Variants in TTLL5 observed in about 807,000 individuals in gnomAD.
TTLL5 encodes tubulin polyglutamylase TTLL5.
A neutral mutation model predicts 168.4 loss-of-function variants in TTLL5; 132 were observed. The ratio of observed to expected loss-of-function variants is 0.78; its 90% CI spans 0.68 to 0.91. The LOEUF (loss-of-function observed/expected upper bound fraction) is 0.91, where lower values mean the gene tolerates loss of function less well. TTLL5 is among the 40% of genes least tolerant of loss of function. The probability of loss-of-function intolerance (pLI) is 0.00; values close to 1 mark genes in which losing one functional copy is unlikely to be tolerated. For synonymous variants in TTLL5, 546 were observed against 558.6 expected (o/e 0.98, Z 0.32); for missense variants, 1,545 against 1,581.5 (o/e 0.98, Z 0.39).
intron 31 of TTLL5, among the ~76,000 whole-genome samples, chr14:75,912,795 T>C (rs2033443909): frequency 6.6e-6 from 1 of 152,192 alleles, no homozygotes; most frequent in Non-Finnish European, 1.5e-5. Context: ...TAGTCAATAG[T>C]AGCTTCTCAG....
chr14:75,882,561 A>G (rs1365471282), intron 29 of TTLL5, 124 bp from the exon 30 acceptor site: 1 of 699,288 alleles, frequency 1.4e-6, no homozygotes, highest in African/African-American at 1.8e-5. Context: ...GTTTTTCCTT[A>G]AAAAAAAAAT....
At chr14:75,759,903 A>G (rs1306839330) in intron 18 of TTLL5, among the ~76,000 whole-genome samples, 1 of 152,132 alleles carries the variant, frequency 6.6e-6, no homozygotes, top group African/African-American at 2.4e-5. Context: ...ACCTCTTGCT[A>G]TCATCATATT....
At position 75,820,063 on chromosome 14, in the gene TTLL5, C is replaced by T; in HGVS notation, c.3228C>T (p.Pro1076=). The T allele has an allele frequency of 1.2e-6, 2 of 1,608,208 alleles. No individual in the cohort carries two copies. Among genetic ancestry groups the T allele is most frequent in the Non-Finnish European group, 1.7e-6 (2 of 1,177,610 alleles). Residue 1076 remains proline (P), a synonymous_variant, in exon 28 of 32, where the codon CCC becomes CCT. Transcript: ENST00000298832. ...TAAACAGAAGCAGTGCTTCAGCTCC[C>T]CCAACCCTCCGACCCATCATCAGTC... ...GIINRSSASA[P]PTLRPIISPS... is the part of the protein sequence containing the mutation.
At chr14:75,820,425 T>G (rs1350867837) in intron 28 of TTLL5, among the ~76,000 whole-genome samples, 2 of 152,196 alleles carry the variant, frequency 1.3e-5, no homozygotes, top group African/African-American at 4.8e-5. Flanking sequence ...ACACTATGTT[T>G]AAACCTTGCT....
chr14:75,891,501 A>AC (rs2032400418), intron 30 of TTLL5, among the ~76,000 whole-genome samples: 1 of 152,212 alleles, frequency 6.6e-6, no homozygotes, highest in Non-Finnish European at 1.5e-5. Flanking sequence ...ACACCAGTGG[A>AC]CAAGACAGAT....
At chr14:75,828,996 C>G (rs1895402698) in intron 28 of TTLL5, among the ~76,000 whole-genome samples, 1 of 152,084 alleles carries the variant, frequency 6.6e-6, no homozygotes, top group Admixed American at 6.6e-5. Context: ...CAGACAAATC[C>G]CTGTCCTCAA....
At chr14:75,941,137 A>T (rs906397158) in intron 31 of TTLL5, among the ~76,000 whole-genome samples, 1 of 152,256 alleles carries the variant, frequency 6.6e-6, no homozygotes, top group African/African-American at 2.4e-5. Context: ...TGCTGTAGTC[A>T]GCGGCTCCCA....
chr14:75,919,574 C>T (rs1177793527), intron 31 of TTLL5, among the ~76,000 whole-genome samples: 1 of 152,118 alleles, frequency 6.6e-6, no homozygotes, highest in African/African-American at 2.4e-5. Context: ...TGGTTATCCA[C>T]ATGCAAAACA....
At position 75,783,489 on chromosome 14, in the gene TTLL5, T is replaced by C. The variant is rs1892174656; in HGVS notation, c.2945T>C (p.Ile982Thr). 1 of 1,614,142 alleles carries C rather than the reference T, an allele frequency of 6.2e-7. No individual in the cohort carries two copies. The change falls in exon 26 of 32, where the codon ATC becomes ACC. Residue 982 changes from isoleucine (I) to threonine (T), a missense_variant. Ile to Thr is a moderately conservative substitution (Grantham distance 89, BLOSUM62 -1). Coordinates refer to ENST00000298832, the MANE Select transcript of TTLL5 (RefSeq NM_015072.5). ...PFSSFQSAAH[I>T]YSQKLSRPSS... ...TCTTCCTTCCAAAGTGCTGCACACA[T>C]CTATAGCCAGAAACTGTCTCGTCCC...
In TTLL5 at chr14:75,791,322, T is replaced by A. The variant is rs142496109; in HGVS notation, c.2987-1594T>A. 2.2e-3 allele frequency among the ~76,000 whole-genome samples: 335 copies of A among 152,138 alleles called. 1 individual carries two copies. The highest frequency in any genetic ancestry group is 7.6e-3 in the African/African-American group (316 of 41,482). On this transcript the variant is annotated intron_variant, in intron 26 of 31. Transcript: ENST00000298832. ...ACCCATTGATAGGGGAATAGAAATA[T>A]AAGTTGTGGTGTATTTATAAAATGG...
At chr14:75,905,049 TCAG>T (rs2033089680) in intron 31 of TTLL5, among the ~76,000 whole-genome samples, 1 of 152,212 alleles carries the variant, frequency 6.6e-6, no homozygotes, top group African/African-American at 2.4e-5. Flanking sequence ...TCCTAGGGGT[TCAG>T]AAGGATATCC....
intron 31 of TTLL5, among the ~76,000 whole-genome samples, chr14:75,909,424 C>G (rs2033278662): frequency 6.6e-6 from 1 of 151,494 alleles, no homozygotes; most frequent in African/African-American, 2.4e-5. Flanking sequence ...GAAGCCCCAG[C>G]AAAGGTTCTG....
chr14:75,819,855 G>A (rs1319436122), intron 27 of TTLL5, 152 bp from the exon 28 acceptor site: 3 of 714,184 alleles, frequency 4.2e-6, no homozygotes, highest in Non-Finnish European at 6.6e-6. Context: ...GTGCACAGGA[G>A]CCATTCCTTC....
chr14:75,873,606 C>T (rs2031224288), intron 29 of TTLL5, among the ~76,000 whole-genome samples: 1 of 152,046 alleles, frequency 6.6e-6, no homozygotes, highest in Admixed American at 6.6e-5. Context: ...GGCTGAATAA[C>T]ATTTCATTGT....
rs572737539 is a variant in TTLL5 at position 75,664,400 on chromosome 14, A to G, written c.74+1177A>G. On this transcript the variant is annotated intron_variant, in intron 2 of 31. Coordinates refer to ENST00000298832, the MANE Select transcript of TTLL5 (RefSeq NM_015072.5). ...AGATTCTCCCTGAGTCCTTTTGGATATGTGTGTGCTATGTAACCTGAAAAA... is the reference window on the plus strand; with the variant it reads ...AGATTCTCCCTGAGTCCTTTTGGATGTGTGTGTGCTATGTAACCTGAAAAA... Among the ~76,000 whole-genome samples the G allele has an allele frequency of 2.0e-5, 3 of 152,310 alleles. No individual in the cohort carries two copies. The East Asian group carries it at 5.8e-4, about 29-fold the overall frequency.
chr14:75,914,054 A>G (rs1489981612), intron 31 of TTLL5, among the ~76,000 whole-genome samples: 1 of 123,730 alleles, frequency 8.1e-6, no homozygotes, highest in Non-Finnish European at 1.6e-5. Flanking sequence ...ATATATATAT[A>G]TTTTATCCCC....
intron 31 of TTLL5, among the ~76,000 whole-genome samples, chr14:75,925,807 G>T (rs898900922): frequency 2.0e-5 from 3 of 152,006 alleles, no homozygotes; most frequent in African/African-American, 4.8e-5. Flanking sequence ...CCGGCACCTC[G>T]GGAGGCCGAG....
At chr14:75,720,822 T>G in intron 12 of TTLL5, 119 bp downstream of exon 12, 1 of 819,158 alleles carries the variant, frequency 1.2e-6, no homozygotes, top group Non-Finnish European at 2.0e-6. Context: ...GATGGACTCT[T>G]CTTTCTAAGC....
rs140783328 is a variant in TTLL5 at position 75,764,731 on chromosome 14, G to C, written c.1667G>C (p.Arg556Pro). The part of the protein sequence containing the change: ...LLSLEVRKRR[R>P]RSSRLRAMRP... Reference sequence around the variant, plus strand: ...TCTCTGGAGGTGCGAAAACGTAGACGACGGAGTAGCAGATTGAGGGCAATG... The same window carrying C: ...TCTCTGGAGGTGCGAAAACGTAGACCACGGAGTAGCAGATTGAGGGCAATG... The change falls in exon 19 of 32, where the codon CGA becomes CCA. Residue 556 changes from arginine to proline, a missense_variant. Coordinates refer to ENST00000298832, the MANE Select transcript of TTLL5 (RefSeq NM_015072.5). The C allele has an allele frequency of 1.2e-6, 2 of 1,614,008 alleles. No homozygotes were observed. Among genetic ancestry groups the C allele is most frequent in the African/African-American group, 2.7e-5 (2 of 74,910 alleles).
Sources: gnomAD v4.1 joint callset for allele counts (sites outside exome capture counted in the v4.1 genomes callset) on GRCh38, gnomAD v4.1.1 for gene constraint, MANE v1.5 for transcripts, NCBI Gene and HGNC (gene_info 2026-07-23, HGNC 2026-07-21) for gene names.